GAB4: variants seen among roughly 807,000 people sequenced by gnomAD.
GAB4 encodes GRB2 associated binding protein family member 4, also known as GRB2-associated-binding protein 4.
A neutral mutation model predicts 51.3 loss-of-function variants in GAB4; 26 were observed. The observed-to-expected ratio is 0.51, with a 90% CI of 0.37 to 0.70. The LOEUF is 0.70. Among genes scored for constraint, GAB4 ranks in the 30% least tolerant of loss-of-function variants. The pLI, the probability that GAB4 is intolerant of heterozygous loss-of-function variation, is 0.00. For synonymous variants in GAB4, 329 were observed against 291.2 expected, an observed-to-expected ratio of 1.13 and a Z score of -1.32; for missense variants, 759 against 734.6, an observed-to-expected ratio of 1.03 and a Z score of -0.38.
intron 3 of GAB4, among the ~76,000 whole-genome samples, chr22:16,970,678 C>A (rs1310273661): frequency 6.6e-6 from 1 of 152,076 alleles, no homozygotes; most frequent in South Asian, 2.1e-4. Context: ...AAGCAGCAAG[C>A]GAGTCATCTC....
At chr22:16,991,158 AAAAGACACT>A (rs2060910349) in intron 2 of GAB4, among the ~76,000 whole-genome samples, 1 of 151,892 alleles carries the variant, frequency 6.6e-6, no homozygotes, top group South Asian at 2.1e-4. Context: ...TGGAGCTTCC[AAAAGACACT>A]AATGCCTGGG....
chr22:16,984,020 C>G (rs5748783), intron 3 of GAB4, among the ~76,000 whole-genome samples: 3 of 152,130 alleles, frequency 2.0e-5, no homozygotes, highest in Non-Finnish European at 4.4e-5. Flanking sequence ...AAGAAACAAT[C>G]TACGCAATAG....
intron 3 of GAB4, among the ~76,000 whole-genome samples, chr22:16,980,154 A>G (rs1327925348): frequency 1.3e-5 from 2 of 152,236 alleles, no homozygotes; most frequent in Non-Finnish European, 2.9e-5. Flanking sequence ...GCCAAAATAG[A>G]CAAATAGGAT....
chr22:16,991,838 C>A lies in GAB4; in HGVS notation c.478+35G>T, dbSNP rs747265096. 3 of 1,537,252 alleles carry A rather than the reference C, an allele frequency of 2.0e-6. No homozygotes were observed. The East Asian group carries it at 6.8e-5, about 35-fold the overall frequency. On this transcript the variant is annotated intron_variant, in intron 2 of 9. Transcript: ENST00000400588. ...TGGAGATTGGAGGGCCTCATCTCAGCCCCTCCTGAGACAGGGCTGTGTGTG... is the reference window on the plus strand; with the variant it reads ...TGGAGATTGGAGGGCCTCATCTCAGACCCTCCTGAGACAGGGCTGTGTGTG...
intron 3 of GAB4, among the ~76,000 whole-genome samples, chr22:16,986,584 C>A (rs4819935): frequency 0.81 from 122,981 of 152,162 alleles, 50,396 homozygotes; most frequent in African/African-American, 0.95. Flanking sequence ...CTAAGATTCC[C>A]AGAAAAGTGG....
intron 3 of GAB4, among the ~76,000 whole-genome samples, chr22:16,978,263 A>G (rs1233276630): frequency 6.6e-6 from 1 of 152,206 alleles, no homozygotes; most frequent in Non-Finnish European, 1.5e-5. Flanking sequence ...GGAAAAGATT[A>G]ACAAATTAGA....
chr22:16,991,219 G>T (rs992203584), intron 2 of GAB4, among the ~76,000 whole-genome samples: 1 of 151,548 alleles, frequency 6.6e-6, no homozygotes, highest in African/African-American at 2.4e-5. Context: ...CTTGGCACAG[G>T]TCCTTGGCAT....
In GAB4 at chr22:16,963,765, C is replaced by G; in HGVS notation, c.1541G>C (p.Gly514Ala). The change falls in exon 9 of 10, where the codon GGT (glycine) becomes GCT (alanine). Residue 514 changes from glycine (G) to alanine (A), a missense_variant. Coordinates refer to ENST00000400588, the MANE Select transcript of GAB4 (RefSeq NM_001037814.1). ...TSSSAPPRST[G>A]NIHYAALDFQ... ...GTCCAGGGCCGCGTAGTGGATGTTA[C>G]CAGTGCTCCTCGGCGGGGCTGAACT... is the stretch of plus-strand genomic sequence containing the variant. 1 of 1,613,894 alleles carries G rather than the reference C, an allele frequency of 6.2e-7. No individual in the cohort carries two copies. The highest frequency in any genetic ancestry group is 8.5e-7 in the Non-Finnish European group (1 of 1,179,958).
At chr22:17,005,387 G>A (rs2061032277) in intron 1 of GAB4, among the ~76,000 whole-genome samples, 1 of 152,162 alleles carries the variant, frequency 6.6e-6, no homozygotes, top group Non-Finnish European at 1.5e-5. Flanking sequence ...CCATGCTCAT[G>A]GATAGGAAGA....
intron 3 of GAB4, among the ~76,000 whole-genome samples, chr22:16,972,399 A>G (rs1196748450): frequency 2.6e-5 from 4 of 152,196 alleles, no homozygotes; most frequent in African/African-American, 9.6e-5. Flanking sequence ...AAGCTGTTCC[A>G]CTTGGAAACA....
At chr22:17,005,227 A>G (rs1265090254) in intron 1 of GAB4, among the ~76,000 whole-genome samples, 9 of 152,214 alleles carry the variant, frequency 5.9e-5, no homozygotes, top group Non-Finnish European at 1.2e-4. Context: ...AGAGAGCCAA[A>G]TCATGAGTGA....
chr22:17,006,245 A>T (rs2061038781), intron 1 of GAB4, among the ~76,000 whole-genome samples: 1 of 152,248 alleles, frequency 6.6e-6, no homozygotes, highest in South Asian at 2.1e-4. Flanking sequence ...GAAGATATTT[A>T]TGTGGCCAAC....
intron 5 of GAB4, 147 bp downstream of exon 5, chr22:16,968,151 C>A: frequency 1.6e-6 from 1 of 630,440 alleles, no homozygotes; most frequent in Non-Finnish European, 2.9e-6. Flanking sequence ...AAAAACTGAA[C>A]CTATGGTTCT....
intron 1 of GAB4, among the ~76,000 whole-genome samples, chr22:17,005,954 G>A (rs2061037003): frequency 6.6e-6 from 1 of 152,190 alleles, no homozygotes; most frequent in African/African-American, 2.4e-5. Context: ...CCAGGACATA[G>A]GCATGGGCAA....
At chr22:16,987,886 T>TA in intron 3 of GAB4, 74 bp downstream of exon 3, 1 of 1,149,718 alleles carries the variant, frequency 8.7e-7, no homozygotes, top group Non-Finnish European at 1.2e-6. Context: ...CTTTGAAATT[T>TA]AAAAAAATCA....
At chr22:16,963,696 C>G (rs760946185) in intron 9 of GAB4, 29 bp downstream of exon 9, 2 of 1,562,854 alleles carry the variant, frequency 1.3e-6, no homozygotes, top group South Asian at 2.2e-5. Context: ...CCCAAGGGCT[C>G]TGCCCAACCC....
At chr22:16,991,754 G>T in intron 2 of GAB4, 119 bp downstream of exon 2, 2 of 847,304 alleles carry the variant, frequency 2.4e-6, no homozygotes, top group Non-Finnish European at 3.8e-6. Flanking sequence ...AATGCCTTTA[G>T]CTTCATCACG....
intron 1 of GAB4, among the ~76,000 whole-genome samples, chr22:16,993,334 T>C (rs1254118251): frequency 1.3e-5 from 2 of 152,142 alleles, no homozygotes; most frequent in South Asian, 2.1e-4. Context: ...AAGTACCTCA[T>C]AGTTTTATTA....
At chr22:16,998,842 AG>A (rs1412749745) in intron 1 of GAB4, among the ~76,000 whole-genome samples, 5 of 152,208 alleles carry the variant, frequency 3.3e-5, no homozygotes, top group Admixed American at 3.3e-4. Flanking sequence ...GAGAGTTTTT[AG>A]CATGAAGGGC....
Sources: allele counts gnomAD v4.1 joint callset (sites outside exome capture counted in the v4.1 genomes callset), GRCh38; gene constraint gnomAD v4.1.1; transcripts MANE v1.5; gene names NCBI Gene and HGNC (gene_info 2026-07-23, HGNC 2026-07-21).